The following SFMBT2 variants were observed in gnomAD, a reference collection of about 807,000 sequenced individuals.
The protein encoded by SFMBT2 is scm-like with four MBT domains protein 2.
Under a neutral mutation model 110.1 loss-of-function variants are expected in SFMBT2, and 38 were observed. The ratio of observed to expected loss-of-function variants is 0.35; its 90% CI spans 0.27 to 0.45. SFMBT2 has a LOEUF of 0.45. Ranked by LOEUF, SFMBT2 falls within the 20% of genes least tolerant of loss-of-function variation. SFMBT2 has a pLI of 1.00. For synonymous variants in SFMBT2, 425 were observed against 425.4 expected, an observed-to-expected ratio of 1.00 and a Z score of 0.01; for missense variants, 1,011 against 1,094.9, an observed-to-expected ratio of 0.92 and a Z score of 1.08.
chr10:7,311,140 A>C (rs980368174), intron 4 of SFMBT2, among the ~76,000 whole-genome samples: 2 of 152,116 alleles, frequency 1.3e-5, no homozygotes, highest in East Asian at 3.9e-4. Flanking sequence ...CCCTAAAAAA[A>C]AAACAAACTG....
At chr10:7,373,252 G>A (rs1449978960) in intron 2 of SFMBT2, among the ~76,000 whole-genome samples, 2 of 152,076 alleles carry the variant, frequency 1.3e-5, no homozygotes, top group African/African-American at 2.4e-5. Flanking sequence ...TGATCTCTCT[G>A]CACACACCTG....
chr10:7,313,584 C>T (rs1564434487), intron 4 of SFMBT2, among the ~76,000 whole-genome samples: 1 of 152,234 alleles, frequency 6.6e-6, no homozygotes, highest in Non-Finnish European at 1.5e-5. Context: ...GCTGAGATTA[C>T]AGGCATGAGC....
intron 1 of SFMBT2, among the ~76,000 whole-genome samples, chr10:7,385,350 G>A (rs1190532854): frequency 1.3e-5 from 2 of 152,180 alleles, no homozygotes; most frequent in South Asian, 4.1e-4. Context: ...GAGAGCGGAG[G>A]GTGGCAGCCC....
At chr10:7,348,145 T>C (rs1289178693) in intron 4 of SFMBT2, 2 of 554,246 alleles carry the variant, frequency 3.6e-6, no homozygotes, top group East Asian at 6.4e-5. Context: ...AGAAAAGAAG[T>C]TCTAAAAACA....
At chr10:7,401,177 G>A (rs7084613) in intron 1 of SFMBT2, among the ~76,000 whole-genome samples, 162 of 152,160 alleles carry the variant, frequency 1.1e-3, no homozygotes, top group African/African-American at 3.7e-3. Context: ...AAAAGAGCCC[G>A]AGTGGTAAGT....
At chr10:7,341,506 T>G (rs1370365853) in intron 4 of SFMBT2, among the ~76,000 whole-genome samples, 1 of 152,232 alleles carries the variant, frequency 6.6e-6, no homozygotes, top group Non-Finnish European at 1.5e-5. Flanking sequence ...TTGGTTTTTA[T>G]TCATTCAACA....
Position 7,408,145 on chromosome 10 carries a change from G to A in SFMBT2, c.-52+2716C>T, listed in dbSNP as rs1011597776. 2.0e-5 allele frequency among the ~76,000 whole-genome samples: 3 copies of A among 152,278 alleles called. No individual in the cohort carries two copies. The highest frequency in any genetic ancestry group is 4.4e-5 in the Non-Finnish European group (3 of 68,052). ...CGACGTCAGGAGGACAAGGGGAGGGGTTCGCGGCTGAAACTGCAGCTTCGC... is the reference window on the plus strand; with the variant it reads ...CGACGTCAGGAGGACAAGGGGAGGGATTCGCGGCTGAAACTGCAGCTTCGC... On this transcript the variant is annotated intron_variant, in intron 1 of 20. Coordinates refer to ENST00000397167, the MANE Select transcript of SFMBT2 (RefSeq NM_001387889.1). This position sits in a 1 kb window ranked among gnomAD's most constrained non-coding sequence, Gnocchi z 5.7.
At chr10:7,183,758 C>A (rs764108707) in intron 16 of SFMBT2, among the ~76,000 whole-genome samples, 4 of 152,246 alleles carry the variant, frequency 2.6e-5, no homozygotes, top group Non-Finnish European at 4.4e-5. Flanking sequence ...TTACTTCTCA[C>A]TTGCTTTCCT....
chr10:7,381,975 T>G, intron 1 of SFMBT2, 26 bp from the exon 2 acceptor site: 2 of 1,342,916 alleles, frequency 1.5e-6, no homozygotes, highest in Middle Eastern at 1.9e-4. Flanking sequence ...AAAAAAAAAA[T>G]CAGAGCAGTT....
At chr10:7,268,665 C>T (rs1007925760) in intron 7 of SFMBT2, among the ~76,000 whole-genome samples, 2 of 152,098 alleles carry the variant, frequency 1.3e-5, no homozygotes. Flanking sequence ...TGCCCACCAC[C>T]ACGCCCAGCT....
At chr10:7,380,415 G>T (rs1390338153) in intron 2 of SFMBT2, among the ~76,000 whole-genome samples, 1 of 152,222 alleles carries the variant, frequency 6.6e-6, no homozygotes, top group African/African-American at 2.4e-5. Context: ...TCCATATAAA[G>T]ATGTAATTTC....
chr10:7,264,151 T>C (rs769277622), intron 7 of SFMBT2: 9 of 244,102 alleles, frequency 3.7e-5, no homozygotes, highest in Non-Finnish European at 5.9e-5. Context: ...CAGCATTTCT[T>C]ATTTTAGCCT....
intron 2 of SFMBT2, among the ~76,000 whole-genome samples, chr10:7,371,161 T>A (rs1445579738): frequency 6.6e-6 from 1 of 152,190 alleles, no homozygotes; most frequent in South Asian, 2.1e-4. Context: ...TCTTGCTCTG[T>A]CACCCAGGCT....
intron 6 of SFMBT2, among the ~76,000 whole-genome samples, chr10:7,278,164 T>C (rs1039238701): frequency 2.0e-5 from 3 of 152,228 alleles, no homozygotes; most frequent in African/African-American, 7.2e-5. Context: ...TTTTTTCTTC[T>C]AGTTTGGCCT....
intron 20 of SFMBT2, among the ~76,000 whole-genome samples, chr10:7,166,769 C>G (rs1390079386): frequency 6.6e-6 from 1 of 152,130 alleles, no homozygotes; most frequent in Non-Finnish European, 1.5e-5. Flanking sequence ...CCAAGAGGGA[C>G]TGAAAGAACA....
chr10:7,397,820 G>A (rs746753548), intron 1 of SFMBT2, among the ~76,000 whole-genome samples: 1 of 152,128 alleles, frequency 6.6e-6, no homozygotes, highest in Non-Finnish European at 1.5e-5. Flanking sequence ...ATTTATACTC[G>A]CCCCGTCAGC....
intron 7 of SFMBT2, among the ~76,000 whole-genome samples, chr10:7,269,715 CGTGTGTGTGT>C (rs35063251): frequency 1.5e-3 from 56 of 38,538 alleles, no homozygotes; most frequent in African/African-American, 2.6e-3. Flanking sequence ...TAAGTGTGTG[CGTGTGTGTGT>C]GTGTGTGTGT....
At chr10:7,186,425 TACACACAC>T (rs780362808) in intron 16 of SFMBT2, among the ~76,000 whole-genome samples, 7 of 109,388 alleles carry the variant, frequency 6.4e-5, no homozygotes, top group Admixed American at 9.5e-5. Context: ...ATACTATATA[TACACACAC>T]ACACACACAC....
intron 4 of SFMBT2, among the ~76,000 whole-genome samples, chr10:7,351,935 G>A (rs113318121): frequency 6.6e-6 from 1 of 152,016 alleles, no homozygotes; most frequent in Admixed American, 6.5e-5. Context: ...AGGTTACAGA[G>A]AGCGTTTGCC....
Sources: gnomAD v4.1 joint callset for allele counts (sites outside exome capture counted in the v4.1 genomes callset) on GRCh38, gnomAD v4.1.1 for gene constraint, Gnocchi (gnomAD v3.1) non-coding constraint, MANE v1.5 for transcripts, NCBI Gene and HGNC (gene_info 2026-07-23, HGNC 2026-07-21) for gene names.